Variants in OXSR1 observed in about 807,000 individuals in gnomAD.
The protein encoded by OXSR1 is serine/threonine-protein kinase OSR1.
In OXSR1, 24 loss-of-function variants were observed where a neutral mutation model predicts 79.8. The ratio of observed to expected loss-of-function variants is 0.30; its 90% CI spans 0.22 to 0.42. The LOEUF (loss-of-function observed/expected upper bound fraction) is 0.42. Among genes scored for constraint, OXSR1 ranks in the 10% least tolerant of loss-of-function variants. The pLI, the probability that OXSR1 is intolerant of heterozygous loss-of-function variation, is 1.00. For missense variants in OXSR1, 430 were observed against 618.4 expected (o/e 0.70, Z 3.23); for synonymous variants, 226 against 209.2 (o/e 1.08, Z -0.69).
At chr3:38,219,279 T>A (rs923043788) in intron 5 of OXSR1, among the ~76,000 whole-genome samples, 15 of 152,184 alleles carry the variant, frequency 9.9e-5, no homozygotes, top group Non-Finnish European at 2.1e-4. Context: ...CATTATTAAG[T>A]TCTGGGTTTA....
chr3:38,252,313 T>G lies in OXSR1; in HGVS notation c.1445-15T>G, dbSNP rs1229854264. The stretch of plus-strand genomic sequence containing the variant: ...AACTTCTCATTCATTACCTTCTCTG[T>G]TTGTATGATTACAGTGGCAGCTAAT... On this transcript the variant is annotated splice_polypyrimidine_tract_variant and intron_variant, in intron 16 of 17. Coordinates refer to ENST00000311806, the MANE Select transcript of OXSR1 (RefSeq NM_005109.3). 1 of 1,576,236 alleles carries G rather than the reference T, an allele frequency of 6.3e-7. No individual in the cohort carries two copies. Among genetic ancestry groups the G allele is most frequent in the Admixed American group, 1.7e-5 (1 of 59,934 alleles).
chr3:38,189,212 A>G (rs973412523), intron 2 of OXSR1, among the ~76,000 whole-genome samples: 3 of 152,008 alleles, frequency 2.0e-5, no homozygotes, highest in South Asian at 2.1e-4. Context: ...GTTCTTTCCT[A>G]TAGATTCTTA....
intron 5 of OXSR1, among the ~76,000 whole-genome samples, chr3:38,217,062 G>A (rs1025688721): frequency 2.0e-5 from 3 of 152,072 alleles, no homozygotes; most frequent in South Asian, 4.2e-4. Context: ...AGTGTAAAGC[G>A]TATAAAAAAC....
intron 13 of OXSR1, among the ~76,000 whole-genome samples, chr3:38,246,697 CTG>C (rs1189425843): frequency 2.6e-5 from 4 of 152,114 alleles, no homozygotes. Flanking sequence ...GTATTATAAT[CTG>C]TAAATCATTT....
intron 15 of OXSR1, 29 bp from the exon 16 acceptor site, chr3:38,251,374 A>G: frequency 1.2e-6 from 2 of 1,600,648 alleles, no homozygotes; most frequent in South Asian, 1.1e-5. Flanking sequence ...CGCACAAAAA[A>G]CAGAGCACTG....
chr3:38,181,678 A>G (rs1032526866), intron 1 of OXSR1, among the ~76,000 whole-genome samples: 3 of 152,178 alleles, frequency 2.0e-5, no homozygotes, highest in Non-Finnish European at 4.4e-5. Flanking sequence ...AGTCGTTTGT[A>G]GAAGCACTTT....
chr3:38,183,012 C>G lies in OXSR1; in HGVS notation c.80C>G (p.Ala27Gly). Reference sequence around the variant, plus strand: ...ATGTATTTGTTTTTAGGGAGTGGAGCAACTGCTGTAGTCCAAGCAGCTTAT... The same window carrying G: ...ATGTATTTGTTTTTAGGGAGTGGAGGAACTGCTGTAGTCCAAGCAGCTTAT... ...YELQEVIGSG[A>G]TAVVQAAYCA... is the part of the protein sequence containing the mutation. The change falls in exon 2 of 18, where the codon GCA becomes GGA. Residue 27 changes from alanine to glycine, a missense_variant. Ala to Gly is a moderately conservative substitution (Grantham distance 60). Coordinates refer to ENST00000311806, the MANE Select transcript of OXSR1 (RefSeq NM_005109.3). 1 of 1,599,332 alleles carries G rather than the reference C, an allele frequency of 6.3e-7. No homozygotes were observed. Among genetic ancestry groups the G allele is most frequent in the Non-Finnish European group, 8.5e-7 (1 of 1,169,656 alleles).
intron 4 of OXSR1, among the ~76,000 whole-genome samples, chr3:38,207,390 C>G (rs998141339): frequency 1.3e-5 from 2 of 152,196 alleles, no homozygotes; most frequent in African/African-American, 2.4e-5. Flanking sequence ...TGTACCAGCT[C>G]TAAGTTCTTG....
rs1701965888 is a variant in OXSR1, at chr3:38,190,679, AT to A, written c.184-49del. The A allele has an allele frequency of 2.1e-5, 22 of 1,037,774 alleles. No homozygotes were observed. In the South Asian group the frequency reaches 2.8e-4, roughly 13 times the overall value. The allele number at this position is 1,037,774 out of a possible 1,614,324, so 64.3% of individuals were successfully genotyped here. On this transcript the variant is annotated intron_variant, in intron 2 of 17. Coordinates refer to ENST00000311806, the MANE Select transcript of OXSR1 (RefSeq NM_005109.3). ...AAATCTGGATTTGCTAACTCACAAC[AT>A]TTGTTTTAGGCTTGCATATAATGAA...
At chr3:38,232,056 G>A (rs1371572484) in intron 10 of OXSR1, among the ~76,000 whole-genome samples, 1 of 152,104 alleles carries the variant, frequency 6.6e-6, no homozygotes, top group Non-Finnish European at 1.5e-5. Flanking sequence ...GCAGTGAGCT[G>A]AGATTGTGCC....
At chr3:38,235,878 T>C (rs751023751) in intron 10 of OXSR1, among the ~76,000 whole-genome samples, 3 of 152,206 alleles carry the variant, frequency 2.0e-5, no homozygotes, top group Admixed American at 6.5e-5. Context: ...GTGCTTAAAC[T>C]AAAAACAGAA....
intron 4 of OXSR1, among the ~76,000 whole-genome samples, chr3:38,199,664 T>C (rs567011001): frequency 4.0e-4 from 61 of 152,342 alleles, no homozygotes; most frequent in African/African-American, 1.4e-3. Context: ...ATGGTTCCAA[T>C]GATAATTTGA....
intron 2 of OXSR1, among the ~76,000 whole-genome samples, chr3:38,190,516 G>C (rs972364532): frequency 6.6e-6 from 1 of 152,152 alleles, no homozygotes; most frequent in African/African-American, 2.4e-5. Context: ...TAGTTTGAAA[G>C]ATTACTAGTG....
intron 10 of OXSR1, among the ~76,000 whole-genome samples, chr3:38,230,997 T>G (rs1196056054): frequency 1.3e-5 from 2 of 152,150 alleles, no homozygotes; most frequent in Admixed American, 6.5e-5. Flanking sequence ...AGCAGACTTA[T>G]CCAATGTGAA....
At chr3:38,244,637 C>CTGTGTGTGTGTGTGTGTGTGTGTGTGTG (rs112035003) in intron 12 of OXSR1, among the ~76,000 whole-genome samples, 2 of 99,400 alleles carry the variant, frequency 2.0e-5, no homozygotes, top group African/African-American at 3.2e-5. Context: ...TAATATTCCT[C>CTGTGTGTGTGTGTGTGTGTGTGTGTGTG]TGTGTGTGTG....
At chr3:38,211,117 T>A (rs897733994) in intron 4 of OXSR1, among the ~76,000 whole-genome samples, 1 of 152,206 alleles carries the variant, frequency 6.6e-6, no homozygotes, top group African/African-American at 2.4e-5. Context: ...TCTTTGACCC[T>A]CTGCTACCCT....
chr3:38,171,666 C>CTT (rs34250513), intron 1 of OXSR1, among the ~76,000 whole-genome samples: 38 of 140,164 alleles, frequency 2.7e-4, no homozygotes, highest in African/African-American at 8.9e-4. Flanking sequence ...ATTCAAAGGA[C>CTT]TTTTTTTTTT....
chr3:38,195,730 T>G (rs1231790480), intron 3 of OXSR1, among the ~76,000 whole-genome samples: 1 of 152,218 alleles, frequency 6.6e-6, no homozygotes, highest in Non-Finnish European at 1.5e-5. Context: ...AGCAGCTGCT[T>G]CACTACTTTG....
At chr3:38,192,404 T>C (rs1702000994) in intron 3 of OXSR1, among the ~76,000 whole-genome samples, 1 of 152,216 alleles carries the variant, frequency 6.6e-6, no homozygotes, top group Non-Finnish European at 1.5e-5. Context: ...TTAGAAAGCA[T>C]AACTTGGATG....
Sources: gnomAD v4.1 joint callset for allele counts (sites outside exome capture counted in the v4.1 genomes callset) on GRCh38, gnomAD v4.1.1 for gene constraint, MANE v1.5 for transcripts, NCBI Gene and HGNC (gene_info 2026-07-23, HGNC 2026-07-21) for gene names.